Variants in AGTPBP1 observed in about 807,000 individuals in gnomAD.
The protein encoded by AGTPBP1 is cytosolic carboxypeptidase 1.
A neutral mutation model predicts 143.9 loss-of-function variants in AGTPBP1; 70 were observed. The observed-to-expected ratio is 0.49, with a 90% CI of 0.40 to 0.59. AGTPBP1 has a LOEUF of 0.59. AGTPBP1 is among the 20% of genes least tolerant of loss of function. The pLI is 0.00. For synonymous variants in AGTPBP1, 463 were observed against 500.2 expected, an observed-to-expected ratio of 0.93 and a Z score of 0.99; for missense variants, 1,229 against 1,464.5, an observed-to-expected ratio of 0.84 and a Z score of 2.62.
chr9:85,585,391 CAT>C (rs1231494526), intron 23 of AGTPBP1, 70 bp downstream of exon 23: 2 of 1,358,032 alleles, frequency 1.5e-6, no homozygotes, highest in East Asian at 5.3e-5. Context: ...GTGAGTAGTT[CAT>C]ATATGTTCTT....
At chr9:85,664,516 A>G (rs1834022722) in intron 8 of AGTPBP1, among the ~76,000 whole-genome samples, 1 of 152,164 alleles carries the variant, frequency 6.6e-6, no homozygotes, top group South Asian at 2.1e-4. Flanking sequence ...CCAAGCCTAA[A>G]GGCTTTAGCC....
intron 1 of AGTPBP1, among the ~76,000 whole-genome samples, chr9:85,729,622 T>C (rs1312795502): frequency 6.6e-6 from 1 of 151,908 alleles, no homozygotes; most frequent in Non-Finnish European, 1.5e-5. Flanking sequence ...CATCTAGATA[T>C]ATAGCTTATC....
intron 14 of AGTPBP1, among the ~76,000 whole-genome samples, chr9:85,625,463 C>T (rs1429903201): frequency 6.6e-6 from 1 of 152,074 alleles, no homozygotes; most frequent in Non-Finnish European, 1.5e-5. Flanking sequence ...TGGTTGTCAC[C>T]GTTTCCTTTC....
chr9:85,769,509 G>A, the AGTPBP1 span, among the ~76,000 whole-genome samples: 1 of 129,178 alleles, frequency 7.7e-6, no homozygotes, highest in East Asian at 2.3e-4. Context: ...AACATAGCGA[G>A]ACCCTGTGTC....
chr9:85,730,030 G>A (rs561691568), intron 1 of AGTPBP1, among the ~76,000 whole-genome samples: 1 of 152,284 alleles, frequency 6.6e-6, no homozygotes, highest in Admixed American at 6.5e-5. Context: ...AGAGCCTCCT[G>A]ACCTCAACTG....
chr9:85,757,937 T>C, the AGTPBP1 span, among the ~76,000 whole-genome samples: 1 of 152,260 alleles, frequency 6.6e-6, no homozygotes, highest in Non-Finnish European at 1.5e-5. Context: ...CAAGTCTGCA[T>C]ATGAATTGTG....
At chr9:85,784,652 G>A in the AGTPBP1 span, among the ~76,000 whole-genome samples, 7 of 152,202 alleles carry the variant, frequency 4.6e-5, no homozygotes, top group Non-Finnish European at 1.0e-4. Context: ...GGTCAACTTA[G>A]TATGAGTTCC....
At chr9:85,556,171 T>C (rs11141020) in intron 25 of AGTPBP1, among the ~76,000 whole-genome samples, 4,376 of 152,104 alleles carry the variant, frequency 0.029, 94 homozygotes, top group South Asian at 0.05. Flanking sequence ...TAATAAAATA[T>C]ATGGAGTTCA....
chr9:85,560,039 G>T (rs571491720), intron 25 of AGTPBP1, among the ~76,000 whole-genome samples: 70 of 152,220 alleles, frequency 4.6e-4, no homozygotes, highest in Admixed American at 2.0e-4. Context: ...ACACTGGCTG[G>T]GGTCAAGGTC....
At chr9:85,688,096 T>TAAAAAAAAAAAAAA (rs58523894) in intron 3 of AGTPBP1, among the ~76,000 whole-genome samples, 9 of 34,658 alleles carry the variant, frequency 2.6e-4, no homozygotes, top group African/African-American at 7.1e-4. Flanking sequence ...GTCTCAAAAT[T>TAAAAAAAAAAAAAA]AAAAAAAAAA....
At chr9:85,561,683 G>A (rs982330289) in intron 25 of AGTPBP1, among the ~76,000 whole-genome samples, 3 of 152,028 alleles carry the variant, frequency 2.0e-5, no homozygotes, top group Non-Finnish European at 4.4e-5. Context: ...GAGAGCTAAT[G>A]ACTGCATTAA....
In AGTPBP1 at chr9:85,741,794, G is replaced by T; in HGVS notation, c.-53C>A. 1.5e-6 allele frequency: 2 copies of T among 1,359,100 alleles called. No individual in the cohort carries two copies. Among genetic ancestry groups the T allele is most frequent in the South Asian group, 1.7e-5 (1 of 57,284 alleles). 84.2% of individuals were successfully genotyped at this position (1,359,100 alleles called of 1,614,324 possible). A position where few individuals can be genotyped will look rare whatever the true frequency, so the allele number is the denominator to read the frequency against. On this transcript the variant is annotated 5_prime_UTR_variant, in exon 1 of 26. Coordinates refer to ENST00000357081, the MANE Select transcript of AGTPBP1 (RefSeq NM_001330701.2). ...GCTCACCGGCTCAGGATGGGGCGCTGGCGGGGACCGCGCAGAGCCGCAGCA... is the reference window on the plus strand; with the variant it reads ...GCTCACCGGCTCAGGATGGGGCGCTTGCGGGGACCGCGCAGAGCCGCAGCA...
intron 10 of AGTPBP1, among the ~76,000 whole-genome samples, chr9:85,657,073 T>C (rs901295467): frequency 2.6e-5 from 4 of 151,672 alleles, no homozygotes; most frequent in Non-Finnish European, 5.9e-5. Flanking sequence ...GAGATATACC[T>C]AATGCTAGAT....
intron 14 of AGTPBP1, among the ~76,000 whole-genome samples, chr9:85,622,929 T>G (rs1170816794): frequency 6.6e-6 from 1 of 152,188 alleles, no homozygotes; most frequent in African/African-American, 2.4e-5. Context: ...TTAATAAGGT[T>G]GATATATGCC....
intron 2 of AGTPBP1, among the ~76,000 whole-genome samples, chr9:85,698,210 A>G (rs1836398261): frequency 6.6e-6 from 1 of 152,168 alleles, no homozygotes; most frequent in South Asian, 2.1e-4. Context: ...TTTGCCAGTA[A>G]CCCTGACTAG....
chr9:85,563,464 A>G (rs1444434022), intron 25 of AGTPBP1, among the ~76,000 whole-genome samples: 1 of 152,202 alleles, frequency 6.6e-6, no homozygotes, highest in Non-Finnish European at 1.5e-5. Flanking sequence ...AAATGAGGAT[A>G]TTTGGCCAAG....
intron 14 of AGTPBP1, among the ~76,000 whole-genome samples, chr9:85,630,472 T>C (rs919077848): frequency 1.6e-5 from 2 of 122,814 alleles, no homozygotes; most frequent in East Asian, 2.0e-4. Context: ...GATTGATTGA[T>C]TGATTGATTG....
intron 1 of AGTPBP1, among the ~76,000 whole-genome samples, chr9:85,724,008 C>G (rs981338805): frequency 3.9e-5 from 6 of 152,064 alleles, no homozygotes; most frequent in Non-Finnish European, 8.8e-5. Flanking sequence ...AACATCTGGC[C>G]GGGTACGGTG....
At position 85,623,626 on chromosome 9, in the gene AGTPBP1, G is replaced by A. The variant is rs553665786; in HGVS notation, c.2016-2341C>T. Among the ~76,000 whole-genome samples, 6 of 151,942 alleles carry A rather than the reference G, an allele frequency of 3.9e-5. No homozygotes were observed. The South Asian group carries it at 8.3e-4, about 21-fold the overall frequency. On this transcript the variant is annotated intron_variant, in intron 14 of 25. Transcript: ENST00000357081. ...ACAAAAATTAGCTGGGTGTGGTGGC[G>A]GGTGCCTGTAATCCCAGCTACTCAA...
Sources: allele counts gnomAD v4.1 joint callset (sites outside exome capture counted in the v4.1 genomes callset), GRCh38; gene constraint gnomAD v4.1.1; transcripts MANE v1.5; gene names NCBI Gene and HGNC (gene_info 2026-07-23, HGNC 2026-07-21).